Variants in RPS6KA2 observed in about 807,000 individuals in gnomAD.
RPS6KA2 encodes the protein ribosomal protein S6 kinase A2, also known as ribosomal protein S6 kinase alpha-2.
A neutral mutation model predicts 91.8 loss-of-function variants in RPS6KA2; 42 were observed. The observed-to-expected ratio is 0.46, with a 90% CI of 0.36 to 0.59. The LOEUF is 0.59. Among genes scored for constraint, RPS6KA2 ranks in the 20% least tolerant of loss-of-function variants. RPS6KA2 has a pLI of 0.00. For missense variants in RPS6KA2, 798 were observed against 978.5 expected, an observed-to-expected ratio of 0.82 and a Z score of 2.46; for synonymous variants, 414 against 393.6, an observed-to-expected ratio of 1.05 and a Z score of -0.61.
At chr6:166,611,466 A>G (rs1786173427) in intron 1 of RPS6KA2, among the ~76,000 whole-genome samples, 1 of 152,240 alleles carries the variant, frequency 6.6e-6, no homozygotes, top group Non-Finnish European at 1.5e-5. Context: ...ATTGGATTCC[A>G]ATTCCTCATC....
chr6:166,839,607 T>G (rs1780406271), intron 2 of RPS6KA2, among the ~76,000 whole-genome samples: 1 of 142,792 alleles, frequency 7.0e-6, no homozygotes, highest in Admixed American at 7.2e-5. Flanking sequence ...ATAGTATGGT[T>G]CACCAATGTA....
In RPS6KA2 at chr6:166,739,787, T is replaced by C. The variant is rs557842254; in HGVS notation, c.123+118413A>G. Among the ~76,000 whole-genome samples the C allele has an allele frequency of 2.3e-3, 352 of 152,304 alleles. 2 individuals carry two copies. Among genetic ancestry groups the C allele is most frequent in the Non-Finnish European group, 3.4e-3 (229 of 68,006 alleles). ...TCCAAAGTTCTGGATTTGAAAGAGC[T>C]AAGTGTGCACGGGGCTTGGCTCCGT... On this transcript the variant is annotated intron_variant, in intron 2 of 21. Transcript: ENST00000503859.
intron 2 of RPS6KA2, among the ~76,000 whole-genome samples, chr6:166,537,916 C>T (rs546236106): frequency 5.9e-5 from 9 of 152,320 alleles, no homozygotes; most frequent in Non-Finnish European, 1.0e-4. Flanking sequence ...GAGTAAGTCA[C>T]GTGTCATCAT....
chr6:166,653,524 C>T (rs1031120237), intron 2 of RPS6KA2, among the ~76,000 whole-genome samples: 2 of 152,220 alleles, frequency 1.3e-5, no homozygotes, highest in Admixed American at 6.5e-5. Context: ...TGCCATCAAT[C>T]ACCTTCTCTT....
chr6:166,771,782 C>G (rs1216627827), intron 2 of RPS6KA2, among the ~76,000 whole-genome samples: 1 of 152,234 alleles, frequency 6.6e-6, no homozygotes, highest in Non-Finnish European at 1.5e-5. Flanking sequence ...TGAAATGAGG[C>G]TAACAGGAGA....
chr6:166,741,766 G>A (rs1171299882), intron 2 of RPS6KA2, among the ~76,000 whole-genome samples: 1 of 152,248 alleles, frequency 6.6e-6, no homozygotes. Flanking sequence ...TCTCCTGGGA[G>A]TTCCATCTGG....
intron 2 of RPS6KA2, among the ~76,000 whole-genome samples, chr6:166,759,050 A>G (rs1583087243): frequency 6.6e-6 from 1 of 151,392 alleles, no homozygotes; most frequent in South Asian, 2.1e-4. Context: ...TCATTTATCC[A>G]GGTCAATGTT....
chr6:166,419,616 T>G lies in RPS6KA2; in HGVS notation c.1820+266A>C, dbSNP rs1459693217. 6.6e-6 allele frequency among the ~76,000 whole-genome samples: 1 copy of G among 152,240 alleles called. No homozygotes were observed. Among genetic ancestry groups the G allele is most frequent in the East Asian group, 1.9e-4 (1 of 5,202 alleles). On this transcript the variant is annotated intron_variant, in intron 18 of 20. Transcript: ENST00000265678. This position sits in a 1 kb window ranked among gnomAD's most constrained non-coding sequence, Gnocchi z 5.6. ...CAGGTGCAGCAGAGAGAATGGGGAC[T>G]ATGCTGGCAAAAGACTTGATGTTTT...
chr6:166,688,595 G>A (rs778861592), intron 2 of RPS6KA2, among the ~76,000 whole-genome samples: 31 of 152,200 alleles, frequency 2.0e-4, no homozygotes, highest in Admixed American at 1.3e-4. Context: ...GCTAGGAGAG[G>A]GGCACACAGT....
chr6:166,701,182 C>A, intron 2 of RPS6KA2: 1 of 1,612,210 alleles, frequency 6.2e-7, no homozygotes, highest in South Asian at 1.1e-5. Flanking sequence ...CTGAATTTTT[C>A]TCTGGGCAAC....
chr6:166,787,991 A>AAC lies in RPS6KA2; in HGVS notation c.123+70208_123+70209insGT, dbSNP rs1237239539. The stretch of plus-strand genomic sequence containing the variant: ...ACAAATTTACAAAAAAAAAAAAAAA[A>AAC]AACCAACCCATCAAAAAGTCGGCAA... On this transcript the variant is annotated intron_variant, in intron 2 of 21. Coordinates refer to the RPS6KA2 transcript ENST00000503859. 7.2e-5 allele frequency among the ~76,000 whole-genome samples: 11 copies of AAC among 151,888 alleles called. No homozygotes were observed. In the South Asian group the frequency reaches 2.3e-3, roughly 32 times the overall value.
chr6:166,559,161 G>A (rs1446792112), intron 1 of RPS6KA2, among the ~76,000 whole-genome samples: 1 of 152,046 alleles, frequency 6.6e-6, no homozygotes, highest in East Asian at 1.9e-4. Context: ...ATTCTGTAGT[G>A]GGCAGTGTGG....
rs1205059309 is a variant in RPS6KA2, at chr6:166,825,487, A to T, written c.123+32713T>A. On this transcript the variant is annotated intron_variant, in intron 2 of 21. Transcript: ENST00000503859. The surrounding 1 kb of genome is among the most constrained non-coding windows in gnomAD (Gnocchi z 4.1). Reference sequence around the variant, plus strand: ...GACATGACCCAGATCCTGGCAAATCATTATAGTCCCTTCAGGGTGCTACTT... The same window carrying T: ...GACATGACCCAGATCCTGGCAAATCTTTATAGTCCCTTCAGGGTGCTACTT... Among the ~76,000 whole-genome samples the T allele has an allele frequency of 6.6e-6, 1 of 151,968 alleles. No homozygotes were observed. Among genetic ancestry groups the T allele is most frequent in the Non-Finnish European group, 1.5e-5 (1 of 68,002 alleles).
intron 3 of RPS6KA2, among the ~76,000 whole-genome samples, chr6:166,515,678 CA>C (rs1370832045): frequency 1.3e-5 from 2 of 152,060 alleles, no homozygotes; most frequent in Non-Finnish European, 2.9e-5. Flanking sequence ...GGAGGAAAAG[CA>C]AAATGATTCA....
At chr6:166,522,512 AGGG>A (rs1173114761) in intron 3 of RPS6KA2, among the ~76,000 whole-genome samples, 9 of 152,198 alleles carry the variant, frequency 5.9e-5, no homozygotes, top group Non-Finnish European at 1.3e-4. Flanking sequence ...GCGCAACTGG[AGGG>A]ATTTTGAAGA....
chr6:166,695,700 A>G (rs918829646), intron 2 of RPS6KA2, among the ~76,000 whole-genome samples: 3 of 151,992 alleles, frequency 2.0e-5, no homozygotes, highest in Non-Finnish European at 4.4e-5. Flanking sequence ...TCCTAGGAGC[A>G]CTGGATTCTC....
At chr6:166,449,539 C>G (rs982936649) in intron 13 of RPS6KA2, among the ~76,000 whole-genome samples, 2 of 152,132 alleles carry the variant, frequency 1.3e-5, no homozygotes, top group African/African-American at 4.8e-5. Flanking sequence ...TATGAAAATA[C>G]CACCTTCCAA....
intron 1 of RPS6KA2, among the ~76,000 whole-genome samples, chr6:166,567,730 C>T (rs1340057447): frequency 6.6e-6 from 1 of 152,230 alleles, no homozygotes. Context: ...ATGCTCGGCC[C>T]TCAGTCTAAA....
rs974444816 is a variant in RPS6KA2, at chr6:166,768,074, G to A, written c.123+90126C>T. Among the ~76,000 whole-genome samples, 12 of 152,238 alleles carry A rather than the reference G, an allele frequency of 7.9e-5. No individual in the cohort carries two copies. In the East Asian group the frequency reaches 2.1e-3, roughly 27 times the overall value. On this transcript the variant is annotated intron_variant, in intron 2 of 21. Transcript: ENST00000503859. Reference sequence around the variant, plus strand: ...TTCTTTGTTCAAGTCCCACCCAATCGACAGATGATGGATCAATGCAGCTCT... The same window carrying A: ...TTCTTTGTTCAAGTCCCACCCAATCAACAGATGATGGATCAATGCAGCTCT...
Sources: allele counts gnomAD v4.1 joint callset (sites outside exome capture counted in the v4.1 genomes callset), GRCh38; gene constraint gnomAD v4.1.1; non-coding constraint Gnocchi (gnomAD v3.1); transcripts MANE v1.5; gene names NCBI Gene and HGNC (gene_info 2026-07-23, HGNC 2026-07-21).